The following NRXN1 variants were observed in gnomAD, a reference collection of about 807,000 sequenced individuals.
The protein encoded by NRXN1 is neurexin-1.
NRXN1 carries 39 observed loss-of-function variants against 150.9 expected under a neutral mutation model. The ratio of observed to expected loss-of-function variants is 0.26; its 90% CI spans 0.20 to 0.34. NRXN1 has a LOEUF of 0.34. Among genes scored for constraint, NRXN1 ranks in the 10% least tolerant of loss-of-function variants. The pLI is 1.00. For missense variants in NRXN1, 1,815 were observed against 1,949.9 expected (o/e 0.93, Z 1.30); for synonymous variants, 924 against 757.0 (o/e 1.22, Z -3.62).
At chr2:50,261,931 T>C (rs905752972) in intron 17 of NRXN1, among the ~76,000 whole-genome samples, 8 of 151,902 alleles carry the variant, frequency 5.3e-5, no homozygotes, top group South Asian at 4.1e-4. Context: ...ATAATCCTCA[T>C]TTTCTTCTTC....
chr2:50,915,485 T>G (rs1480961141), intron 5 of NRXN1, among the ~76,000 whole-genome samples: 2 of 151,616 alleles, frequency 1.3e-5, no homozygotes, highest in Non-Finnish European at 3.0e-5. Context: ...ATCCTCATTA[T>G]TGTATGTAAG....
rs1027814644 is a variant in NRXN1 at position 49,994,140 on chromosome 2, G to A, written c.4129-50349C>T. On this transcript the variant is annotated intron_variant, in intron 21 of 22. Transcript: ENST00000401669. ...AGGAAGCAGTAATGAAGCATAGTAC[G>A]GGGGTGCTCCTCCTTAATGCCTATG... is the stretch of plus-strand genomic sequence containing the variant. 1.1e-4 allele frequency among the ~76,000 whole-genome samples: 16 copies of A among 152,118 alleles called. 1 individual carries two copies. Among genetic ancestry groups the A allele is most frequent in the Non-Finnish European group, 1.8e-4 (12 of 68,032 alleles).
chr2:49,976,911 G>A (rs1277118325), intron 21 of NRXN1, among the ~76,000 whole-genome samples: 1 of 152,180 alleles, frequency 6.6e-6, no homozygotes, highest in Non-Finnish European at 1.5e-5. Flanking sequence ...TCAGCTGGAT[G>A]CAATTAGCAA....
At chr2:50,791,087 GTT>G (rs371224258) in intron 5 of NRXN1, among the ~76,000 whole-genome samples, 1 of 119,484 alleles carries the variant, frequency 8.4e-6, no homozygotes. Flanking sequence ...GATTTATGTT[GTT>G]TTTTTTTTTC....
At chr2:50,463,933 C>G (rs533052232) in intron 17 of NRXN1, 1 of 151,636 alleles carries the variant, frequency 6.6e-6, no homozygotes, top group East Asian at 2.0e-4. Flanking sequence ...AAAATCTTAA[C>G]AAGTATTCAG....
At chr2:50,773,015 G>C (rs1253373295) in intron 5 of NRXN1, among the ~76,000 whole-genome samples, 1 of 152,056 alleles carries the variant, frequency 6.6e-6, no homozygotes, top group Non-Finnish European at 1.5e-5. Context: ...CACTGTGCTT[G>C]GTTCTTGCTA....
intron 17 of NRXN1, among the ~76,000 whole-genome samples, chr2:50,276,887 T>C (rs941106029): frequency 2.6e-5 from 4 of 152,166 alleles, no homozygotes; most frequent in Non-Finnish European, 4.4e-5. Flanking sequence ...AAAAATGGGC[T>C]ATAAATGAGG....
intron 22 of NRXN1, among the ~76,000 whole-genome samples, chr2:49,929,005 G>C (rs902305270): frequency 6.6e-6 from 1 of 152,072 alleles, no homozygotes; most frequent in Non-Finnish European, 1.5e-5. Flanking sequence ...TTTGCTACCT[G>C]CCTGGCTGCT....
intron 17 of NRXN1, among the ~76,000 whole-genome samples, chr2:50,304,948 G>T (rs2074481362): frequency 6.6e-6 from 1 of 151,996 alleles, no homozygotes; most frequent in Non-Finnish European, 1.5e-5. Context: ...AAATCAGCCG[G>T]GTGTGGTGGC....
intron 5 of NRXN1, among the ~76,000 whole-genome samples, chr2:50,671,052 T>C (rs1688768619): frequency 6.6e-6 from 1 of 151,918 alleles, no homozygotes. Context: ...TTTTAGCATG[T>C]ATCTGTGGAG....
At chr2:50,237,872 T>G (rs1380155283) in intron 17 of NRXN1, among the ~76,000 whole-genome samples, 1 of 151,968 alleles carries the variant, frequency 6.6e-6, no homozygotes, top group East Asian at 1.9e-4. Context: ...TGGAAGGTGA[T>G]GGGATCATGG....
At chr2:50,656,496 G>A in intron 5 of NRXN1, 2 of 662,856 alleles carry the variant, frequency 3.0e-6, no homozygotes, top group South Asian at 1.7e-5. Context: ...CACCAACTGA[G>A]GTCTGGGGGT....
At chr2:50,481,266 C>T (rs1322340433) in intron 15 of NRXN1, among the ~76,000 whole-genome samples, 1 of 152,116 alleles carries the variant, frequency 6.6e-6, no homozygotes, top group Non-Finnish European at 1.5e-5. Flanking sequence ...AGAGTTGTGG[C>T]TAGTTGATAA....
chr2:50,437,463 T>C (rs1558731153), intron 17 of NRXN1, among the ~76,000 whole-genome samples: 1 of 152,256 alleles, frequency 6.6e-6, no homozygotes, highest in Non-Finnish European at 1.5e-5. Context: ...AAGCCGTATC[T>C]GTTTTTGTTA....
chr2:50,144,577 A>C (rs1707739488), intron 18 of NRXN1, among the ~76,000 whole-genome samples: 1 of 152,024 alleles, frequency 6.6e-6, no homozygotes, highest in East Asian at 1.9e-4. Context: ...TACACGGATA[A>C]AGAAGAAGCC....
intron 5 of NRXN1, among the ~76,000 whole-genome samples, chr2:50,672,187 T>A (rs1688953984): frequency 6.6e-6 from 1 of 151,904 alleles, no homozygotes; most frequent in African/African-American, 2.4e-5. Flanking sequence ...AATAATTTGA[T>A]TTTTTACACA....
At chr2:50,204,341 CGTGTGTGTGTGTGTGT>C in intron 18 of NRXN1, among the ~76,000 whole-genome samples, 1 of 111,476 alleles carries the variant, frequency 9.0e-6, no homozygotes, top group African/African-American at 3.4e-5. Context: ...TAAGAAATAC[CGTGTGTGTGTGTGTGT>C]GTGTGTGTGT....
intron 2 of NRXN1, among the ~76,000 whole-genome samples, chr2:50,988,019 T>C (rs111896539): frequency 6.6e-6 from 1 of 151,908 alleles, no homozygotes; most frequent in Admixed American, 6.6e-5. Flanking sequence ...TAAATCCGGA[T>C]AGCTGCTATT....
At chr2:50,922,813 G>A (rs988574162) in intron 3 of NRXN1, 126 bp from the exon 4 acceptor site, 1 of 979,868 alleles carries the variant, frequency 1.0e-6, no homozygotes, top group South Asian at 1.4e-5. Flanking sequence ...GTATCACAGA[G>A]GCAAATCAAA....
Sources: allele counts gnomAD v4.1 joint callset (sites outside exome capture counted in the v4.1 genomes callset), GRCh38; gene constraint gnomAD v4.1.1; transcripts MANE v1.5; gene names NCBI Gene and HGNC (gene_info 2026-07-23, HGNC 2026-07-21).